CNOT1: variants seen among roughly 807,000 people sequenced by gnomAD.
The protein encoded by CNOT1 is CCR4-NOT transcription complex subunit 1.
In CNOT1, 15 loss-of-function variants were observed where a neutral mutation model predicts 273.8. That is an observed-to-expected ratio of 0.05 (90% CI 0.04 to 0.08). The LOEUF is 0.08. Ranked by LOEUF, CNOT1 falls within the 10% of genes least tolerant of loss-of-function variation. The pLI, the probability that CNOT1 is intolerant of heterozygous loss-of-function variation, is 1.00. For missense variants in CNOT1, 1,644 were observed against 2,912.2 expected, an observed-to-expected ratio of 0.56 and a Z score of 10.02; for synonymous variants, 1,022 against 1,005.5, an observed-to-expected ratio of 1.02 and a Z score of -0.31.
rs571527039 is a variant in CNOT1 at position 58,534,132 on chromosome 16, G to A, written c.5895+15C>T. ...CTGATGTAGACCAAGACTAAGGCAA[G>A]AAAGGATTTCAGACCTTGTTCAGCA... On this transcript the variant is annotated intron_variant, in intron 40 of 48. Coordinates refer to ENST00000317147, the MANE Select transcript of CNOT1 (RefSeq NM_016284.5). The A allele has an allele frequency of 6.2e-7, 1 of 1,611,538 alleles. No individual in the cohort carries two copies. Among genetic ancestry groups the A allele is most frequent in the East Asian group, 2.2e-5 (1 of 44,814 alleles).
Position 58,546,310 on chromosome 16 carries a change from A to G in CNOT1, c.4006+11T>C. On this transcript the variant is annotated intron_variant, in intron 29 of 48. Transcript: ENST00000317147. ...TAACAGAAGCCTTCCTTGACTAATTAGCACACTTACTTGTGGTTGTGATGG... is the reference window on the plus strand; with the variant it reads ...TAACAGAAGCCTTCCTTGACTAATTGGCACACTTACTTGTGGTTGTGATGG... The G allele has an allele frequency of 6.2e-7, 1 of 1,610,468 alleles. No individual in the cohort carries two copies. Among genetic ancestry groups the G allele is most frequent in the Non-Finnish European group, 8.5e-7 (1 of 1,177,136 alleles).
chr16:58,582,800 T>A lies in CNOT1; in HGVS notation c.1037A>T (p.Lys346Ile), dbSNP rs1226932536. The change falls in exon 10 of 49, where the codon AAA becomes ATA. Residue 346 changes from lysine (K) to isoleucine (I), a missense_variant. Lys to Ile is a moderately radical substitution (Grantham distance 102, BLOSUM62 -3). Transcript: ENST00000317147. ...WNVEVLIDVL[K>I]ELNPSLNFKE... ...ATCATCACATATACTCACCAGTTCT[T>A]TAAGAACGTCAATCAAGACTTCTAC... The A allele has an allele frequency of 7.0e-7, 1 of 1,432,550 alleles. No individual in the cohort carries two copies. Among genetic ancestry groups the A allele is most frequent in the Non-Finnish European group, 9.9e-7 (1 of 1,014,434 alleles). 88.7% of individuals were successfully genotyped at this position (1,432,550 alleles called of 1,614,324 possible).
At chr16:58,624,575 T>C (rs1357340517) in intron 1 of CNOT1, 1 of 151,976 alleles carries the variant, frequency 6.6e-6, no homozygotes, top group Non-Finnish European at 1.5e-5. Context: ...CTGAGATGAG[T>C]GGATCACAAG....
Position 58,586,752 on chromosome 16 carries a change from G to C in CNOT1, c.434-4C>G, listed in dbSNP as rs2041886433. The C allele has an allele frequency of 1.2e-6, 2 of 1,612,022 alleles. No homozygotes were observed. The highest frequency in any genetic ancestry group is 8.5e-7 in the Non-Finnish European group (1 of 1,179,708). On this transcript the variant is annotated splice_polypyrimidine_tract_variant and splice_region_variant and intron_variant, in intron 6 of 48. Coordinates refer to ENST00000317147, the MANE Select transcript of CNOT1 (RefSeq NM_016284.5). ...TTCTGTTTGATAAACTGGGCAGCTA[G>C]AAGTCAGGTAAACCAAAAACCGCAA...
Position 58,520,839 on chromosome 16 carries a change from T to C in CNOT1, c.*119A>G. 2.0e-6 allele frequency: 2 copies of C among 1,012,024 alleles called. No homozygotes were observed. The highest frequency in any genetic ancestry group is 3.0e-6 in the Non-Finnish European group (2 of 662,720). 62.7% of individuals were successfully genotyped at this position (1,012,024 alleles called of 1,614,324 possible). A position where few individuals can be genotyped will look rare whatever the true frequency, so the allele number is the denominator to read the frequency against. On this transcript the variant is annotated 3_prime_UTR_variant, in exon 49 of 49. Transcript: ENST00000317147. The stretch of plus-strand genomic sequence containing the variant: ...TGATCCCAACAGTAGTTGGGGCAGA[T>C]ACCCACAAACCAAAGGGCTGGGAAA...
intron 2 of CNOT1, among the ~76,000 whole-genome samples, chr16:58,589,760 G>T (rs2041993777): frequency 6.6e-6 from 1 of 152,160 alleles, no homozygotes; most frequent in Non-Finnish European, 1.5e-5. Flanking sequence ...CATAAGATCC[G>T]ACTTCAGTGA....
At chr16:58,597,336 G>A (rs1171680724) in intron 2 of CNOT1, among the ~76,000 whole-genome samples, 2 of 151,908 alleles carry the variant, frequency 1.3e-5, no homozygotes, top group African/African-American at 4.8e-5. Context: ...TTAGCTGGGT[G>A]TGGTGGTGGA....
chr16:58,558,323 C>T, intron 18 of CNOT1, 150 bp downstream of exon 18: 3 of 1,349,894 alleles, frequency 2.2e-6, no homozygotes, highest in Non-Finnish European at 3.0e-6. Context: ...ATCTGTTTTT[C>T]TTTTCCCAAC....
At chr16:58,577,538 A>G (rs1456475516) in intron 13 of CNOT1, among the ~76,000 whole-genome samples, 1 of 152,226 alleles carries the variant, frequency 6.6e-6, no homozygotes, top group African/African-American at 2.4e-5. Flanking sequence ...TATATAATAT[A>G]AACTACTCCA....
intron 1 of CNOT1, among the ~76,000 whole-genome samples, chr16:58,611,778 G>A (rs1275087765): frequency 2.7e-5 from 4 of 149,938 alleles, no homozygotes; most frequent in Admixed American, 1.3e-4. Context: ...CCGAGATCAC[G>A]CCACTGCACT....
chr16:58,525,025 A>G (rs908481832), intron 46 of CNOT1, among the ~76,000 whole-genome samples, 154 bp downstream of exon 46: 3 of 152,234 alleles, frequency 2.0e-5, no homozygotes, highest in Non-Finnish European at 4.4e-5. Context: ...ATAATGTCCA[A>G]TTAAAGATAA....
At chr16:58,613,079 T>G (rs2042954108) in intron 1 of CNOT1, among the ~76,000 whole-genome samples, 1 of 152,098 alleles carries the variant, frequency 6.6e-6, no homozygotes, top group Non-Finnish European at 1.5e-5. Flanking sequence ...TCACCTAGGC[T>G]GGAGTGCAGT....
At chr16:58,601,846 G>C (rs1961211402) in intron 1 of CNOT1, among the ~76,000 whole-genome samples, 1 of 147,190 alleles carries the variant, frequency 6.8e-6, no homozygotes, top group South Asian at 2.2e-4. Flanking sequence ...AGGCCAGCCT[G>C]GGCAATATGG....
rs1336768681 is a variant in CNOT1 at position 58,628,431 on chromosome 16, T to C, written c.-175+1297A>G. 2.6e-5 allele frequency among the ~76,000 whole-genome samples: 4 copies of C among 152,236 alleles called. No homozygotes were observed. In the East Asian group the frequency reaches 7.7e-4, roughly 29 times the overall value. ...CACTTAAGTATTAAACCCAAGTACC[T>C]ATAGAAAAAAATTGTTCTTAATCTG... On this transcript the variant is annotated intron_variant, in intron 1 of 48. Coordinates refer to ENST00000317147, the MANE Select transcript of CNOT1 (RefSeq NM_016284.5).
rs376222589 is a variant in CNOT1 at position 58,543,607 on chromosome 16, A to T, written c.4434T>A (p.Arg1478=). 5.4e-4 allele frequency: 868 copies of T among 1,614,202 alleles called. 19 individuals are homozygous for T. In the South Asian group the frequency reaches 9.2e-3, roughly 17 times the overall value. The change falls in exon 31 of 49, where the codon CGT becomes CGA. Residue 1478 remains arginine, a splice_region_variant and synonymous_variant. Coordinates refer to ENST00000317147, the MANE Select transcript of CNOT1 (RefSeq NM_016284.5). ...TATACCAAGGAAATAGCCAACTTAC[A>T]CGAAGGGCTGAGGCAAAACTGTTTT... ...NLKNSFASAL[R]TASPQQREMM... is the part of the protein sequence containing the mutation.
In CNOT1 at chr16:58,585,651, G is replaced by A. The variant is rs58256074; in HGVS notation, c.638-145C>T. 2.2e-3 allele frequency: 3,024 copies of A among 1,361,884 alleles called. 66 individuals are homozygous for A. The African/African-American group carries it at 0.04, about 18-fold the overall frequency. The allele number at this position is 1,361,884 out of a possible 1,614,324, so 84.4% of individuals were successfully genotyped here. A position where few individuals can be genotyped will look rare whatever the true frequency, so the allele number is the denominator to read the frequency against. On this transcript the variant is annotated intron_variant, in intron 7 of 48. Coordinates refer to ENST00000317147, the MANE Select transcript of CNOT1 (RefSeq NM_016284.5). ...ATTTCATTTTTCCAGCCTACTAGCCGAAGTTACGACTTTAACATCAATTCC... is the reference window on the plus strand; with the variant it reads ...ATTTCATTTTTCCAGCCTACTAGCCAAAGTTACGACTTTAACATCAATTCC...
At chr16:58,592,299 CA>C (rs1175606522) in intron 2 of CNOT1, among the ~76,000 whole-genome samples, 2 of 151,946 alleles carry the variant, frequency 1.3e-5, no homozygotes, top group Non-Finnish European at 2.9e-5. Context: ...ATTCCATTCA[CA>C]GCCATAAAAT....
At chr16:58,597,895 G>A in intron 2 of CNOT1, 2 of 270,400 alleles carry the variant, frequency 7.4e-6, no homozygotes, top group South Asian at 4.0e-5. Context: ...CAGCTGCACT[G>A]CTGGCTTCCA....
chr16:58,618,505 C>G (rs2043176987), intron 1 of CNOT1, among the ~76,000 whole-genome samples: 1 of 151,988 alleles, frequency 6.6e-6, no homozygotes, highest in South Asian at 2.1e-4. Flanking sequence ...TCAGCTTGAA[C>G]CCAGGAGGCA....
Sources: gnomAD v4.1 joint callset for allele counts (sites outside exome capture counted in the v4.1 genomes callset) on GRCh38, gnomAD v4.1.1 for gene constraint, MANE v1.5 for transcripts, NCBI Gene and HGNC (gene_info 2026-07-23, HGNC 2026-07-21) for gene names.